Variants in SCN2A observed in about 807,000 individuals in gnomAD.
The protein encoded by SCN2A is sodium channel protein type 2 subunit alpha.
A neutral mutation model predicts 188.7 loss-of-function variants in SCN2A; 20 were observed. The ratio of observed to expected loss-of-function variants is 0.11; its 90% CI spans 0.07 to 0.15. The LOEUF (loss-of-function observed/expected upper bound fraction) is 0.15. SCN2A is among the 10% of genes least tolerant of loss of function. The pLI is 1.00. For missense variants in SCN2A, 1,278 were observed against 2,445.0 expected (o/e 0.52, Z 10.07); for synonymous variants, 804 against 833.1 (o/e 0.97, Z 0.60).
intron 25 of SCN2A, among the ~76,000 whole-genome samples, chr2:165,381,516 A>G (rs1052812535): frequency 2.1e-5 from 2 of 96,922 alleles, no homozygotes; most frequent in Non-Finnish European, 5.2e-5. Context: ...AAATACATAC[A>G]TACATAATGT....
chr2:165,312,084 G>T lies in SCN2A; in HGVS notation c.1030G>T (p.Ala344Ser). Residue 344 changes from alanine to serine, a missense_variant, in exon 8 of 27, where the codon GCA becomes TCA. By Grantham distance (99) the Ala-to-Ser change is moderately conservative. Transcript: ENST00000375437. ...TCTGCTTTGTGGCAACAGCTCAGAT[G>T]CAGGGTAAGTGATGCTTCCTACTGA... ...DALLCGNSSD[A>S]GQCPEGYICV... The T allele has an allele frequency of 1.2e-6, 2 of 1,611,880 alleles. No homozygotes were observed. The highest frequency in any genetic ancestry group is 2.2e-5 in the South Asian group (2 of 91,030).
At chr2:165,256,428 C>T (rs1694331734) in intron 1 of SCN2A, among the ~76,000 whole-genome samples, 1 of 152,078 alleles carries the variant, frequency 6.6e-6, no homozygotes, top group African/African-American at 2.4e-5. Context: ...CTTAGTTTTT[C>T]CTTTTCAATT....
chr2:165,291,093 G>A (rs2106137372), intron 1 of SCN2A, among the ~76,000 whole-genome samples: 1 of 134,084 alleles, frequency 7.5e-6, no homozygotes, highest in East Asian at 2.4e-4. Context: ...CCAGGCTGGA[G>A]TGCAGTGGCA....
chr2:165,284,501 C>T (rs1695741011), intron 1 of SCN2A, among the ~76,000 whole-genome samples: 1 of 152,084 alleles, frequency 6.6e-6, no homozygotes, highest in South Asian at 2.1e-4. Context: ...ACCTTCTGAT[C>T]CTGGCTCTAC....
chr2:165,367,510 T>G, intron 19 of SCN2A, 139 bp downstream of exon 19: 1 of 1,026,948 alleles, frequency 9.7e-7, no homozygotes, highest in Non-Finnish European at 1.5e-6. Flanking sequence ...TTAGCACATA[T>G]GAGAGGCTTA....
chr2:165,268,816 G>GA (rs1377420568), intron 1 of SCN2A: 2 of 151,754 alleles, frequency 1.3e-5, no homozygotes, highest in Non-Finnish European at 2.9e-5. Context: ...CCTTAACAAA[G>GA]AAGGAAATTC....
At chr2:165,292,104 G>A (rs1013017151) in intron 1 of SCN2A, among the ~76,000 whole-genome samples, 5 of 152,172 alleles carry the variant, frequency 3.3e-5, no homozygotes, top group African/African-American at 4.8e-5. Flanking sequence ...GCATAACTAT[G>A]AGCTGGTAAC....
intron 13 of SCN2A, chr2:165,328,666 C>G (rs1452568418): frequency 9.7e-6 from 2 of 207,112 alleles, no homozygotes; most frequent in Admixed American, 1.3e-4. Flanking sequence ...ATTTGGAGTT[C>G]AAAATAAATG....
Position 165,389,025 on chromosome 2 carries a change from G to T in SCN2A, c.5219G>T (p.Ser1740Ile). The T allele has an allele frequency of 6.2e-7, 1 of 1,614,122 alleles. No individual in the cohort carries two copies. Among genetic ancestry groups the T allele is most frequent in the Non-Finnish European group, 8.5e-7 (1 of 1,180,004 alleles). ...DCDPDKDHPG[S>I]SVKGDCGNPS... ...GACCCTGACAAAGATCACCCTGGAAGCTCAGTTAAAGGAGACTGTGGGAAC... is the reference window on the plus strand; with the variant it reads ...GACCCTGACAAAGATCACCCTGGAATCTCAGTTAAAGGAGACTGTGGGAAC... Residue 1740 changes from serine (S) to isoleucine (I), a missense_variant, in exon 27 of 27, where the codon AGC becomes ATC. By Grantham distance (142) the Ser-to-Ile change is moderately radical. Around this residue, in one of 17 missense-constraint regions of SCN2A, gnomAD observed 47 missense variants for 109.0 expected, o/e 0.43. Coordinates refer to ENST00000375437, the MANE Select transcript of SCN2A (RefSeq NM_001040142.2). This position sits in a 1 kb window ranked among gnomAD's most constrained non-coding sequence, Gnocchi z 4.2.
At chr2:165,284,098 A>G (rs756009015) in intron 1 of SCN2A, among the ~76,000 whole-genome samples, 1 of 151,848 alleles carries the variant, frequency 6.6e-6, no homozygotes, top group Non-Finnish European at 1.5e-5. Flanking sequence ...TCTCTCTCAT[A>G]CACACAGGCA....
At chr2:165,329,281 A>T (rs1698545732) in intron 13 of SCN2A, among the ~76,000 whole-genome samples, 1 of 152,176 alleles carries the variant, frequency 6.6e-6, no homozygotes, top group South Asian at 2.1e-4. Context: ...AAAATCACAT[A>T]GAAATGTTTT....
Position 165,354,533 on chromosome 2 carries a change from G to T in SCN2A, c.3261G>T (p.Val1087=), listed in dbSNP as rs932319701. The change falls in exon 17 of 27, where the codon GTG becomes GTT. Residue 1087 remains valine (V), a synonymous_variant. Transcript: ENST00000375437. The stretch of plus-strand genomic sequence containing the variant: ...GCAGCAGTGTAGAAAAATATGTCGT[G>T]GATGAAAGTGATTACATGTCATTTA... The part of the protein sequence containing the change: ...GIGSSVEKYV[V]DESDYMSFIN... 1.9e-6 allele frequency: 3 copies of T among 1,613,966 alleles called. No homozygotes were observed. In the African/African-American group the frequency reaches 4.0e-5, roughly 22 times the overall value.
At chr2:165,383,906 TGA>T (rs753010765) in intron 25 of SCN2A, among the ~76,000 whole-genome samples, 32 of 150,962 alleles carry the variant, frequency 2.1e-4, no homozygotes, top group South Asian at 4.2e-4. Flanking sequence ...AGTGAGAGAG[TGA>T]GAGGAAGGAG....
chr2:165,305,335 C>T (rs1024503426), intron 3 of SCN2A, among the ~76,000 whole-genome samples: 9 of 152,178 alleles, frequency 5.9e-5, no homozygotes, highest in African/African-American at 1.7e-4. Flanking sequence ...TATGTAAGTA[C>T]AGATGTCCTA....
At chr2:165,382,583 G>A (rs1051539191) in intron 25 of SCN2A, among the ~76,000 whole-genome samples, 1 of 152,006 alleles carries the variant, frequency 6.6e-6, no homozygotes, top group South Asian at 2.1e-4. Context: ...CCCATACCTC[G>A]ACCTGCTGTA....
At chr2:165,337,889 C>T (rs1406259986) in intron 14 of SCN2A, among the ~76,000 whole-genome samples, 1 of 152,016 alleles carries the variant, frequency 6.6e-6, no homozygotes, top group Non-Finnish European at 1.5e-5. Flanking sequence ...TGGGTAAATA[C>T]GAAAGACTAT....
At chr2:165,335,294 A>T (rs1392925822) in intron 14 of SCN2A, among the ~76,000 whole-genome samples, 1 of 151,736 alleles carries the variant, frequency 6.6e-6, no homozygotes, top group African/African-American at 2.4e-5. Context: ...ACTATATGCC[A>T]CACAATCTTA....
intron 1 of SCN2A, among the ~76,000 whole-genome samples, chr2:165,292,560 A>G (rs1044454491): frequency 1.7e-4 from 26 of 152,094 alleles, no homozygotes; most frequent in African/African-American, 6.3e-4. Context: ...GCTCCCACTT[A>G]TAAGTGAGAA....
At chr2:165,338,330 G>T (rs139773912) in intron 14 of SCN2A, among the ~76,000 whole-genome samples, 541 of 149,478 alleles carry the variant, frequency 3.6e-3, no homozygotes, top group Admixed American at 7.7e-3. Flanking sequence ...TGCGATCTCG[G>T]CTCACTGCAA....
Sources: gnomAD v4.1 joint callset for allele counts (sites outside exome capture counted in the v4.1 genomes callset) on GRCh38, gnomAD v4.1.1 for gene constraint, gnomAD v4.1.1 regional missense constraint, Gnocchi (gnomAD v3.1) non-coding constraint, MANE v1.5 for transcripts, NCBI Gene and HGNC (gene_info 2026-07-23, HGNC 2026-07-21) for gene names.